FOCAD: variants seen among roughly 807,000 people sequenced by gnomAD.
FOCAD encodes focadhesin.
A neutral mutation model predicts 225.6 loss-of-function variants in FOCAD; 198 were observed. That is an observed-to-expected ratio of 0.88 (90% CI 0.78 to 0.99). The LOEUF (loss-of-function observed/expected upper bound fraction) is 0.99, where lower values mean the gene tolerates loss of function less well. Ranked by LOEUF, FOCAD falls within the 50% of genes least tolerant of loss-of-function variation. The probability of loss-of-function intolerance (pLI) is 0.00; values close to 1 mark genes in which losing one functional copy is unlikely to be tolerated. For synonymous variants in FOCAD, 897 were observed against 755.0 expected, an observed-to-expected ratio of 1.19 and a Z score of -3.08; for missense variants, 2,713 against 2,123.6, an observed-to-expected ratio of 1.28 and a Z score of -5.46.
At chr9:20,684,360 C>T (rs1183129585) in intron 1 of FOCAD, 67 bp downstream of exon 1, 1 of 152,466 alleles carries the variant, frequency 6.6e-6, no homozygotes, top group Admixed American at 6.5e-5. Context: ...GGTCGCGCCG[C>T]CTGCGGCCCG....
chr9:20,735,600 C>T (rs1478975726), intron 4 of FOCAD, among the ~76,000 whole-genome samples: 1 of 151,338 alleles, frequency 6.6e-6, no homozygotes, highest in Admixed American at 6.6e-5. Context: ...ACTGTAATCT[C>T]AAACTCCTGG....
At chr9:20,965,837 C>A (rs531270523) in intron 35 of FOCAD, among the ~76,000 whole-genome samples, 6 of 152,242 alleles carry the variant, frequency 3.9e-5, no homozygotes, top group Middle Eastern at 3.4e-3. Context: ...TTTCAAGGTT[C>A]ATTCGCATTG....
chr9:20,725,563 A>C (rs950599561), intron 4 of FOCAD, among the ~76,000 whole-genome samples: 7 of 152,208 alleles, frequency 4.6e-5, no homozygotes, highest in African/African-American at 1.7e-4. Flanking sequence ...AGAAAGATGG[A>C]AGGAAAAGTA....
chr9:20,668,066 A>G (rs1395922393), intron 2 of FOCAD, among the ~76,000 whole-genome samples: 2 of 152,240 alleles, frequency 1.3e-5, no homozygotes, highest in African/African-American at 2.4e-5. Flanking sequence ...ATTTAATTGT[A>G]GTTTCCTGTA....
chr9:20,981,934 G>T (rs929920969), intron 38 of FOCAD, among the ~76,000 whole-genome samples: 2 of 152,140 alleles, frequency 1.3e-5, no homozygotes, highest in Non-Finnish European at 2.9e-5. Flanking sequence ...GCTATTAGGC[G>T]TTTTTACCAA....
At chr9:20,925,074 G>T (rs536003283) in intron 25 of FOCAD, among the ~76,000 whole-genome samples, 1 of 152,152 alleles carries the variant, frequency 6.6e-6, no homozygotes, top group Non-Finnish European at 1.5e-5. Context: ...TATATTACAT[G>T]TAGGGAAGGG....
intron 19 of FOCAD, among the ~76,000 whole-genome samples, chr9:20,879,333 C>A (rs150609766): frequency 1.3e-5 from 2 of 152,240 alleles, no homozygotes; most frequent in East Asian, 3.9e-4. Flanking sequence ...GGGATTTTAA[C>A]CTTTTGGGAT....
At chr9:20,923,839 C>G in intron 25 of FOCAD, 71 bp downstream of exon 25, 3 of 1,173,746 alleles carry the variant, frequency 2.6e-6, no homozygotes, top group Non-Finnish European at 3.8e-6. Flanking sequence ...TAGCCTGGCC[C>G]TGGGCTTACA....
In FOCAD at chr9:20,981,666, C is replaced by T. The variant is rs976980589; in HGVS notation, c.4618C>T (p.Leu1540Phe). ...TGAAGCTACTGGGAAAATTTTTGAC[C>T]TCCTGCCAAATAAGATTCGGGTGAG... ...LSEATGKIFD[L>F]LPNKIRRKDL... Residue 1540 changes from leucine to phenylalanine, a missense_variant, in exon 38 of 44, where the codon CTC becomes TTC. Coordinates refer to ENST00000338382, the MANE Select transcript of FOCAD (RefSeq NM_001375567.1). The T allele has an allele frequency of 1.2e-6, 2 of 1,609,004 alleles. No individual in the cohort carries two copies. Among genetic ancestry groups the T allele is most frequent in the Non-Finnish European group, 1.7e-6 (2 of 1,178,106 alleles).
At chr9:20,691,065 C>T (rs1822946668) in intron 1 of FOCAD, among the ~76,000 whole-genome samples, 1 of 152,134 alleles carries the variant, frequency 6.6e-6, no homozygotes, top group African/African-American at 2.4e-5. Context: ...GCCTTAGTCT[C>T]CTGAGTAGCT....
chr9:20,981,612 C>T lies in FOCAD; in HGVS notation c.4564C>T (p.Pro1522Ser). 1 of 1,614,034 alleles carries T rather than the reference C, an allele frequency of 6.2e-7. No homozygotes were observed. Among genetic ancestry groups the T allele is most frequent in the Non-Finnish European group, 8.5e-7 (1 of 1,179,984 alleles). The change falls in exon 38 of 44, where the codon CCT (proline) becomes TCT (serine). Residue 1522 changes from proline (P) to serine (S), a missense_variant. By Grantham distance (74) the Pro-to-Ser change is moderately conservative. Coordinates refer to ENST00000338382, the MANE Select transcript of FOCAD (RefSeq NM_001375567.1). ...GLSQAMKLPS[P>S]AHHLWSLLSE... ...GAGCCAGGCCATGAAACTGCCCAGC[C>T]CTGCCCACCACCTCTGGAGTCTGCT... is the stretch of plus-strand genomic sequence containing the variant.
intron 34 of FOCAD, among the ~76,000 whole-genome samples, chr9:20,952,081 C>T (rs189332475): frequency 3.3e-4 from 51 of 152,244 alleles, no homozygotes; most frequent in African/African-American, 1.1e-3. Context: ...AAGAAGAAAA[C>T]TTAGTCATAC....
chr9:20,867,810 A>G (rs2383154), intron 18 of FOCAD, among the ~76,000 whole-genome samples: 127,194 of 151,970 alleles, frequency 0.84, 53,521 homozygotes, highest in Admixed American at 0.9. Flanking sequence ...TTACGTGGCA[A>G]GAAGGTTTGG....
At chr9:20,720,199 C>T (rs1825664151) in intron 3 of FOCAD, among the ~76,000 whole-genome samples, 181 bp from the exon 4 acceptor site, 1 of 152,134 alleles carries the variant, frequency 6.6e-6, no homozygotes, top group South Asian at 2.1e-4. Context: ...AAAACACATC[C>T]ATTACCTCTC....
At chr9:20,917,560 A>C (rs1346581998) in intron 24 of FOCAD, among the ~76,000 whole-genome samples, 3 of 152,082 alleles carry the variant, frequency 2.0e-5, no homozygotes, top group Non-Finnish European at 4.4e-5. Context: ...AAGCTGACTA[A>C]TTGTTCCTGG....
chr9:20,676,389 G>T (rs560944886), intron 2 of FOCAD, among the ~76,000 whole-genome samples: 1 of 152,164 alleles, frequency 6.6e-6, no homozygotes, highest in Non-Finnish European at 1.5e-5. Context: ...GGAATGAGAA[G>T]AACCTCCCTC....
chr9:20,798,761 G>GCGC (rs1821431634), intron 11 of FOCAD, among the ~76,000 whole-genome samples: 1 of 151,764 alleles, frequency 6.6e-6, no homozygotes, highest in Admixed American at 6.6e-5. Context: ...AATCTTGCTA[G>GCGC]TGGTCTATCA....
intron 11 of FOCAD, among the ~76,000 whole-genome samples, chr9:20,795,783 CGAAAAA>C (rs1410005725): frequency 3.8e-5 from 1 of 26,348 alleles, no homozygotes; most frequent in Non-Finnish European, 7.3e-5. Context: ...GACTCTGTCT[CGAAAAA>C]AAAAAAAAAA....
At chr9:20,879,189 T>C (rs1289088007) in intron 19 of FOCAD, among the ~76,000 whole-genome samples, 1 of 152,166 alleles carries the variant, frequency 6.6e-6, no homozygotes, top group African/African-American at 2.4e-5. Context: ...CTGGCACCCA[T>C]ACACATCTCC....
Sources: gnomAD v4.1 joint callset for allele counts (sites outside exome capture counted in the v4.1 genomes callset) on GRCh38, gnomAD v4.1.1 for gene constraint, MANE v1.5 for transcripts, NCBI Gene and HGNC (gene_info 2026-07-23, HGNC 2026-07-21) for gene names.